VLDLR: variants seen among roughly 807,000 people sequenced by gnomAD.
VLDLR encodes very low-density lipoprotein receptor.
A neutral mutation model predicts 112.7 loss-of-function variants in VLDLR; 81 were observed. The observed-to-expected ratio is 0.72, with a 90% CI of 0.60 to 0.86. The LOEUF (loss-of-function observed/expected upper bound fraction) is 0.86, where lower values mean the gene tolerates loss of function less well. Ranked by LOEUF, VLDLR falls within the 40% of genes least tolerant of loss-of-function variation. The probability of loss-of-function intolerance (pLI) is 0.00; values close to 1 mark genes in which losing one functional copy is unlikely to be tolerated. For missense variants in VLDLR, 1,237 were observed against 1,099.4 expected, an observed-to-expected ratio of 1.13 and a Z score of -1.77; for synonymous variants, 436 against 384.8, an observed-to-expected ratio of 1.13 and a Z score of -1.56.
intron 2 of VLDLR, among the ~76,000 whole-genome samples, 171 bp from the exon 3 acceptor site, chr9:2,639,688 A>C (rs781767559): frequency 2.6e-5 from 4 of 152,052 alleles, no homozygotes; most frequent in Admixed American, 6.6e-5. Context: ...TCCTCCTCTG[A>C]AAAAAAATAA....
At chr9:2,652,025 G>A in intron 17 of VLDLR, 71 bp downstream of exon 17, 5 of 1,454,506 alleles carry the variant, frequency 3.4e-6, no homozygotes, top group Non-Finnish European at 4.8e-6. Context: ...TTGTTCATCT[G>A]GAGCTACCCC....
chr9:2,630,529 T>C (rs1453188933), intron 1 of VLDLR, among the ~76,000 whole-genome samples: 1 of 152,142 alleles, frequency 6.6e-6, no homozygotes, highest in Non-Finnish European at 1.5e-5. Flanking sequence ...CCAGAGACAC[T>C]TTCTCTATAT....
chr9:2,644,899 A>G, intron 8 of VLDLR, 46 bp downstream of exon 8: 1 of 1,614,136 alleles, frequency 6.2e-7, no homozygotes, highest in Non-Finnish European at 8.5e-7. Context: ...ATGGGAAAGG[A>G]TAGTATGTAC....
intron 14 of VLDLR, 91 bp downstream of exon 14, chr9:2,648,901 A>C: frequency 4.5e-6 from 7 of 1,553,010 alleles, no homozygotes; most frequent in African/African-American, 1.4e-5. Flanking sequence ...TTGGCAACTC[A>C]GTTTTCTTTA....
At chr9:2,645,211 A>T in intron 9 of VLDLR, 129 bp downstream of exon 9, 1 of 1,363,370 alleles carries the variant, frequency 7.3e-7, no homozygotes, top group Non-Finnish European at 1.0e-6. Context: ...CTAACCTCAT[A>T]ATACAGCAGT....
At chr9:2,650,664 C>G in intron 15 of VLDLR, 148 bp downstream of exon 15, 1 of 1,227,042 alleles carries the variant, frequency 8.1e-7, no homozygotes, top group Non-Finnish European at 1.1e-6. Context: ...GTTATCATGT[C>G]ATTTCTTTAG....
chr9:2,622,436 G>C (rs887754151), intron 1 of VLDLR, 165 bp downstream of exon 1: 2 of 599,274 alleles, frequency 3.3e-6, no homozygotes, highest in Non-Finnish European at 5.1e-6. Context: ...AGCTGTCAGC[G>C]CCGAGGCTAA....
chr9:2,646,897 G>C (rs963821731), intron 11 of VLDLR, among the ~76,000 whole-genome samples: 2 of 152,130 alleles, frequency 1.3e-5, no homozygotes, highest in African/African-American at 4.8e-5. Flanking sequence ...AAGCTTTGCT[G>C]GGCTAGCTCT....
intron 11 of VLDLR, 84 bp from the exon 12 acceptor site, chr9:2,647,390 C>G (rs1171921082): frequency 6.7e-6 from 8 of 1,201,250 alleles, no homozygotes; most frequent in African/African-American, 6.0e-5. Context: ...GTTTTCTGCT[C>G]AAATTTTAAA....
intron 1 of VLDLR, 37 bp downstream of exon 1, chr9:2,622,308 C>A: frequency 7.0e-7 from 1 of 1,436,662 alleles, no homozygotes; most frequent in South Asian, 1.4e-5. Flanking sequence ...GCGGGCGGGA[C>A]CCAGCCGGGG....
chr9:2,651,523 G>A (rs533665641), intron 16 of VLDLR, 25 bp downstream of exon 16: 2 of 1,584,040 alleles, frequency 1.3e-6, no homozygotes, highest in Non-Finnish European at 8.7e-7. Context: ...ACTGCAAACT[G>A]TTAATCTCAA....
At chr9:2,652,750 C>T (rs1436216519) in intron 17 of VLDLR, 30 bp from the exon 18 acceptor site, 2 of 1,613,946 alleles carry the variant, frequency 1.2e-6, no homozygotes, top group East Asian at 2.2e-5. Context: ...CTAGACTTAG[C>T]TCACTTAGCT....
At position 2,659,906 on chromosome 9, in the gene VLDLR, C is replaced by G. The variant is rs1209438337; in HGVS notation, c.*6038C>G. ...TGCGATTTAAAAGCATGTAATGCCTCAGGAGTCCGGCATATACAACCAAAT... is the reference window on the plus strand; with the variant it reads ...TGCGATTTAAAAGCATGTAATGCCTGAGGAGTCCGGCATATACAACCAAAT... On this transcript the variant is annotated 3_prime_UTR_variant, in exon 19 of 19. Transcript: ENST00000382100. The G allele has an allele frequency of 6.6e-6, 1 of 152,192 alleles. No homozygotes were observed. Among genetic ancestry groups the G allele is most frequent in the Non-Finnish European group, 1.5e-5 (1 of 68,030 alleles). The allele number at this position is 152,192 out of a possible 1,614,324, so 9.4% of individuals were successfully genotyped here. A position where few individuals can be genotyped will look rare whatever the true frequency, so the allele number is the denominator to read the frequency against.
intron 17 of VLDLR, 39 bp downstream of exon 17, chr9:2,651,993 T>C (rs986708493): frequency 2.5e-6 from 4 of 1,597,080 alleles, no homozygotes; most frequent in Middle Eastern, 1.7e-4. Context: ...CAAGAACTTC[T>C]TAGATACCAG....
At position 2,621,969 on chromosome 9, in the gene VLDLR, CG is replaced by C; in HGVS notation, c.-217del. ...CTCGGCTTGCACTGCTGCTGCAGCC[CG>C]GGGAGGTGGCTGGGTGGGTGGGGAG... On this transcript the variant is annotated 5_prime_UTR_variant, in exon 1 of 19. Coordinates refer to ENST00000382100, the MANE Select transcript of VLDLR (RefSeq NM_003383.5). 3 of 659,964 alleles carry C rather than the reference CG, an allele frequency of 4.5e-6. No homozygotes were observed. The highest frequency in any genetic ancestry group is 2.7e-6 in the Non-Finnish European group (1 of 363,810). The allele number at this position is 659,964 out of a possible 1,614,324, so 40.9% of individuals were successfully genotyped here.
intron 14 of VLDLR, 107 bp downstream of exon 14, chr9:2,648,917 G>T: frequency 6.9e-7 from 1 of 1,448,774 alleles, no homozygotes; most frequent in Non-Finnish European, 9.5e-7. Context: ...CTTTAAAAGG[G>T]AACTTTTGCC....
chr9:2,631,568 G>A (rs7044107), intron 1 of VLDLR, among the ~76,000 whole-genome samples: 53,403 of 152,002 alleles, frequency 0.35, 10,015 homozygotes, highest in African/African-American at 0.47. Flanking sequence ...AGGCACAGCA[G>A]GACAAATATC....
In VLDLR at chr9:2,650,282, G is replaced by T; in HGVS notation, c.2105-88G>T. 3.2e-6 allele frequency: 5 copies of T among 1,558,286 alleles called. No homozygotes were observed. In the African/African-American group the frequency reaches 4.1e-5, roughly 13 times the overall value. On this transcript the variant is annotated intron_variant, in intron 14 of 18. Coordinates refer to ENST00000382100, the MANE Select transcript of VLDLR (RefSeq NM_003383.5). The stretch of plus-strand genomic sequence containing the variant: ...GACAAGTTTAAGCTCTTGGGGGCAA[G>T]GACTCAGGTCTTCAACATGTAGAAC...
intron 14 of VLDLR, among the ~76,000 whole-genome samples, chr9:2,649,472 A>G (rs1479794762): frequency 6.6e-6 from 1 of 151,902 alleles, no homozygotes; most frequent in African/African-American, 2.4e-5. Context: ...GCTCACTGCA[A>G]CCTCCGCCTC....
Sources: allele counts gnomAD v4.1 joint callset (sites outside exome capture counted in the v4.1 genomes callset), GRCh38; gene constraint gnomAD v4.1.1; transcripts MANE v1.5; gene names NCBI Gene and HGNC (gene_info 2026-07-23, HGNC 2026-07-21).